PCDHGA2: variants seen among roughly 807,000 people sequenced by gnomAD.
PCDHGA2 encodes the protein protocadherin gamma-A2.
A neutral mutation model predicts 59.2 loss-of-function variants in PCDHGA2; 40 were observed. The ratio of observed to expected loss-of-function variants is 0.68; its 90% confidence interval spans 0.52 to 0.88. PCDHGA2 has a LOEUF of 0.88. Among genes scored for constraint, PCDHGA2 ranks in the 40% least tolerant of loss-of-function variants. The probability of loss-of-function intolerance (pLI) is 0.00; values close to 1 mark genes in which losing one functional copy is unlikely to be tolerated. For missense variants in PCDHGA2, 1,226 were observed against 1,204.0 expected (o/e 1.02, Z -0.27); for synonymous variants, 560 against 526.0 (o/e 1.06, Z -0.89).
rs199537783 is a variant in PCDHGA2 at position 141,389,536 on chromosome 5, A to G, written c.2424+48141A>G. 177 of 1,613,198 alleles carry G rather than the reference A, an allele frequency of 1.1e-4. No individual in the cohort carries two copies. Among genetic ancestry groups the G allele is most frequent in the Middle Eastern group, 9.9e-4 (6 of 6,036 alleles). On this transcript the variant is annotated intron_variant, in intron 1 of 3. Coordinates refer to ENST00000394576, the MANE Select transcript of PCDHGA2 (RefSeq NM_018915.4). ...AACGTGAGCCTGCGCGTGTTAGTGG[A>G]CGACCGCAACGACAATGCGCCACGG...
chr5:141,389,888 G>A, intron 1 of PCDHGA2: 1 of 1,614,086 alleles, frequency 6.2e-7, no homozygotes, highest in Non-Finnish European at 8.5e-7. Context: ...GCTTGCAGGA[G>A]GTGCTGCCGG....
At chr5:141,428,147 G>T (rs771536400) in intron 1 of PCDHGA2, 1 of 1,589,612 alleles carries the variant, frequency 6.3e-7, no homozygotes, top group South Asian at 1.1e-5. Flanking sequence ...GGCTGCACAC[G>T]GGAACCTGCT....
chr5:141,397,168 T>C (rs997043690), intron 1 of PCDHGA2, among the ~76,000 whole-genome samples: 3 of 152,202 alleles, frequency 2.0e-5, no homozygotes, highest in Non-Finnish European at 4.4e-5. Context: ...CCAATAACTC[T>C]TAAGAATGAA....
At chr5:141,360,528 G>A (rs1473510639) in intron 1 of PCDHGA2, 7 of 1,613,850 alleles carry the variant, frequency 4.3e-6, no homozygotes, top group Admixed American at 1.7e-5. Flanking sequence ...ATAATACCCC[G>A]CTATTCAAAC....
chr5:141,372,682 C>T, intron 1 of PCDHGA2: 1 of 1,614,010 alleles, frequency 6.2e-7, no homozygotes, highest in Non-Finnish European at 8.5e-7. Flanking sequence ...TCCTCAAACA[C>T]CGAGTTTAAA....
chr5:141,477,568 C>G lies in PCDHGA2; in HGVS notation c.2425-17239C>G. 1 of 1,614,172 alleles carries G rather than the reference C, an allele frequency of 6.2e-7. No individual in the cohort carries two copies. Among genetic ancestry groups the G allele is most frequent in the Non-Finnish European group, 8.5e-7 (1 of 1,180,044 alleles). On this transcript the variant is annotated intron_variant, in intron 1 of 3. Coordinates refer to ENST00000394576, the MANE Select transcript of PCDHGA2 (RefSeq NM_018915.4). The surrounding 1 kb of genome is among the most constrained non-coding windows in gnomAD (Gnocchi z 4.9). ...TACTAAACCTAAGTGTCTGGGACCC[C>G]GACGCCCCGCAGAATGCTCGGCTTT...
intron 1 of PCDHGA2, chr5:141,350,607 T>A (rs1758516566): frequency 1.9e-6 from 3 of 1,614,050 alleles, no homozygotes; most frequent in Non-Finnish European, 2.5e-6. Flanking sequence ...GTTTTCCACG[T>A]GGTTGTTGTA....
At chr5:141,385,585 C>G (rs1051281848) in intron 1 of PCDHGA2, 41 of 1,267,842 alleles carry the variant, frequency 3.2e-5, no homozygotes, top group Admixed American at 1.9e-4. Context: ...AATCTATGTT[C>G]CAACCTACTT....
chr5:141,365,146 A>T (rs780914811), intron 1 of PCDHGA2: 6 of 1,613,932 alleles, frequency 3.7e-6, no homozygotes, highest in Non-Finnish European at 4.2e-6. Flanking sequence ...CAGATGAGGG[A>T]ATAAACGGGA....
intron 1 of PCDHGA2, chr5:141,371,812 A>G: frequency 6.2e-7 from 1 of 1,613,904 alleles, no homozygotes; most frequent in Non-Finnish European, 8.5e-7. Flanking sequence ...TCCATTGCGC[A>G]TGTCAGAGCC....
At chr5:141,356,535 C>G (rs777731122) in intron 1 of PCDHGA2, 1 of 1,614,054 alleles carries the variant, frequency 6.2e-7, no homozygotes, top group Non-Finnish European at 8.5e-7. Flanking sequence ...TGATGGACAT[C>G]AATGACAACC....
At chr5:141,426,033 C>G (rs978171140) in intron 1 of PCDHGA2, among the ~76,000 whole-genome samples, 14 of 152,162 alleles carry the variant, frequency 9.2e-5, no homozygotes, top group African/African-American at 3.1e-4. Context: ...AGACTCAGAG[C>G]CCTGCTGTTG....
At chr5:141,409,709 T>G (rs1328690143) in intron 1 of PCDHGA2, 2 of 1,613,198 alleles carry the variant, frequency 1.2e-6, no homozygotes, top group Non-Finnish European at 8.5e-7. Context: ...GGCGGTGTCG[T>G]CATACGTGTC....
Position 141,350,643 on chromosome 5 carries a change from C to T in PCDHGA2, c.2424+9248C>T, listed in dbSNP as rs76289268. 4.5e-4 allele frequency: 728 copies of T among 1,613,956 alleles called. 1 individual carries two copies. In the East Asian group the frequency reaches 0.011, roughly 24 times the overall value. On this transcript the variant is annotated intron_variant, in intron 1 of 3. Coordinates refer to ENST00000394576, the MANE Select transcript of PCDHGA2 (RefSeq NM_018915.4). ...ATCCAAGATATTAATGACAATGCAC[C>T]ACGTTTCGTTGCAAAAGGCATTGAC...
At chr5:141,438,633 TATACAC>T (rs1275936248) in intron 1 of PCDHGA2, among the ~76,000 whole-genome samples, 1,035 of 33,718 alleles carry the variant, frequency 0.031, 6 homozygotes, top group African/African-American at 0.063. Context: ...TATATATATA[TATACAC>T]ACACACACAC....
intron 1 of PCDHGA2, among the ~76,000 whole-genome samples, chr5:141,381,049 T>C (rs1384350654): frequency 2.0e-5 from 3 of 152,252 alleles, no homozygotes; most frequent in Admixed American, 2.0e-4. Context: ...TTATCTACTT[T>C]GTGAATGCAA....
At chr5:141,401,561 T>A (rs1436115390) in intron 1 of PCDHGA2, among the ~76,000 whole-genome samples, 1 of 152,230 alleles carries the variant, frequency 6.6e-6, no homozygotes, top group Non-Finnish European at 1.5e-5. Flanking sequence ...ATTGCCTGAA[T>A]TTCTCTTGCT....
chr5:141,476,205 C>G lies in PCDHGA2; in HGVS notation c.2425-18602C>G. ...CTGCTTGGTGCCTTGAACAAGGCTT[C>G]CACGGTCATTCACTATGAGATCCCG... On this transcript the variant is annotated intron_variant, in intron 1 of 3. Transcript: ENST00000394576. The surrounding 1 kb of genome is among the most constrained non-coding windows in gnomAD (Gnocchi z 7.6). 1 of 1,613,892 alleles carries G rather than the reference C, an allele frequency of 6.2e-7. No homozygotes were observed. Among genetic ancestry groups the G allele is most frequent in the Non-Finnish European group, 8.5e-7 (1 of 1,180,012 alleles).
At position 141,490,524 on chromosome 5, in the gene PCDHGA2, T is replaced by C. The variant is rs1197866164; in HGVS notation, c.2425-4283T>C. The C allele has an allele frequency of 1.2e-6, 2 of 1,613,990 alleles. No homozygotes were observed. Among genetic ancestry groups the C allele is most frequent in the Non-Finnish European group, 1.7e-6 (2 of 1,180,018 alleles). On this transcript the variant is annotated intron_variant, in intron 1 of 3. Transcript: ENST00000394576. The surrounding 1 kb of genome is among the most constrained non-coding windows in gnomAD (Gnocchi z 5.4). ...ATATCATCGAGCTGCTGGCCAGCGA[T>C]GCTGGTTCACCTTCCCTACACAAAC...
Sources: allele counts gnomAD v4.1 joint callset (sites outside exome capture counted in the v4.1 genomes callset), GRCh38; gene constraint gnomAD v4.1.1; non-coding constraint Gnocchi (gnomAD v3.1); transcripts MANE v1.5; gene names NCBI Gene and HGNC (gene_info 2026-07-23, HGNC 2026-07-21).